Variants in MCM3AP observed in about 807,000 individuals in gnomAD.
MCM3AP encodes germinal-center associated nuclear protein.
A neutral mutation model predicts 184.1 loss-of-function variants in MCM3AP; 126 were observed. That is an observed-to-expected ratio of 0.68 (90% CI 0.59 to 0.79). The LOEUF is 0.79. Among genes scored for constraint, MCM3AP ranks in the 30% least tolerant of loss-of-function variants. The probability of loss-of-function intolerance (pLI) is 0.00; values close to 1 mark genes in which losing one functional copy is unlikely to be tolerated. For synonymous variants in MCM3AP, 1,002 were observed against 979.3 expected (o/e 1.02, Z -0.43); for missense variants, 2,496 against 2,479.2 (o/e 1.01, Z -0.14).
chr21:46,262,924 C>T (rs1258586004), intron 13 of MCM3AP, among the ~76,000 whole-genome samples: 4 of 135,330 alleles, frequency 3.0e-5, no homozygotes, highest in African/African-American at 1.1e-4. Flanking sequence ...GCCGAGATCA[C>T]GCCACTGCAC....
intron 6 of MCM3AP, 21 bp downstream of exon 6, chr21:46,275,165 C>T (rs776328118): frequency 2.0e-5 from 32 of 1,604,634 alleles, no homozygotes; most frequent in Non-Finnish European, 2.4e-5. Flanking sequence ...CCACACTCCA[C>T]GGGGAGATGC....
Position 46,243,601 on chromosome 21 carries a change from C to T in MCM3AP, c.5160G>A (p.Arg1720=), listed in dbSNP as rs759958528. 1.2e-6 allele frequency: 2 copies of T among 1,614,240 alleles called. No homozygotes were observed. The highest frequency in any genetic ancestry group is 1.7e-6 in the Non-Finnish European group (2 of 1,180,048). The stretch of plus-strand genomic sequence containing the variant: ...CTGGGGAGGGACTCTTGCTCTTCCA[C>T]CTACAGTAGGTTCTGTGGAGCAGGT... ...VENLLHRTYC[R]WKSKSPSPVH... The change falls in exon 24 of 28, where the codon AGG becomes AGA. Residue 1720 remains arginine, a synonymous_variant. Transcript: ENST00000291688.
In MCM3AP at chr21:46,260,811, G is replaced by C. The variant is rs200328705; in HGVS notation, c.3563C>G (p.Thr1188Ser). The change falls in exon 15 of 28, where the codon ACC becomes AGC. Residue 1188 changes from threonine to serine, a missense_variant. Thr to Ser is a moderately conservative substitution (Grantham distance 58). Coordinates refer to ENST00000291688, the MANE Select transcript of MCM3AP (RefSeq NM_003906.5). ...CACTTACTTCAACTCCTGGGAGCAG[G>C]TTTCCCTCACAAACTCCATCATCAC... is the stretch of plus-strand genomic sequence containing the variant. The part of the protein sequence containing the change: ...ERVMMEFVRE[T>S]CSQELKNAVE... 1.2e-6 allele frequency: 2 copies of C among 1,613,820 alleles called. No individual in the cohort carries two copies. The highest frequency in any genetic ancestry group is 4.5e-5 in the East Asian group (2 of 44,876).
chr21:46,241,348 C>A, intron 25 of MCM3AP: 1 of 224,734 alleles, frequency 4.4e-6, no homozygotes, highest in Non-Finnish European at 8.8e-6. Context: ...TTGCTTCCCA[C>A]CCTAGGGTTC....
At position 46,237,613 on chromosome 21, in the gene MCM3AP, T is replaced by C. The variant is rs967105502; in HGVS notation, c.5634-634A>G. On this transcript the variant is annotated intron_variant, in intron 26 of 27. Coordinates refer to ENST00000291688, the MANE Select transcript of MCM3AP (RefSeq NM_003906.5). ...GGATTTTGCTGTATTGTCAGGCTAG[T>C]CTACAACTCCTGAACTCAAGTGATG... Among the ~76,000 whole-genome samples the C allele has an allele frequency of 3.5e-5, 4 of 113,456 alleles. 1 individual carries two copies. Among genetic ancestry groups the C allele is most frequent in the Non-Finnish European group, 1.8e-5 (1 of 54,804 alleles). The allele number at this position is 113,456 out of a possible 152,430, so 74.4% of individuals were successfully genotyped here.
intron 6 of MCM3AP, among the ~76,000 whole-genome samples, 199 bp from the exon 7 acceptor site, chr21:46,273,784 AT>A (rs2081218856): frequency 6.6e-6 from 1 of 152,236 alleles, no homozygotes; most frequent in African/African-American, 2.4e-5. Flanking sequence ...ATTTTGGCAA[AT>A]ATGACAAGGA....
chr21:46,249,282 G>A (rs1450072900), intron 20 of MCM3AP, among the ~76,000 whole-genome samples: 1 of 152,132 alleles, frequency 6.6e-6, no homozygotes, highest in African/African-American at 2.4e-5. Context: ...CGAACTCCCA[G>A]GTTCAAGCAA....
At chr21:46,265,544 C>A in intron 11 of MCM3AP, 21 bp from the exon 12 acceptor site, 1 of 1,542,008 alleles carries the variant, frequency 6.5e-7, no homozygotes, top group East Asian at 2.3e-5. Context: ...ACATACAGGA[C>A]AAAACATAGC....
At chr21:46,271,642 T>G (rs2081181519) in intron 8 of MCM3AP, among the ~76,000 whole-genome samples, 1 of 152,070 alleles carries the variant, frequency 6.6e-6, no homozygotes, top group African/African-American at 2.4e-5. Context: ...GTGGATCACC[T>G]GAGGTCAGGA....
In MCM3AP at chr21:46,237,100, A is replaced by ATTTT. The variant is rs10552880; in HGVS notation, c.5634-125_5634-122dup. The ATTTT allele has an allele frequency of 3.4e-4, 73 of 213,336 alleles. 1 individual carries two copies. The highest frequency in any genetic ancestry group is 4.4e-4 in the Non-Finnish European group (54 of 121,752). The allele number at this position is 213,336 out of a possible 1,614,324, so 13.2% of individuals were successfully genotyped here. ...CTTTGCTTTTTTAAAATTTTATATAATTTTTTTTTTTTTTTTTTTGAGACA... is the reference window on the plus strand; with the variant it reads ...CTTTGCTTTTTTAAAATTTTATATAATTTTTTTTTTTTTTTTTTTTTTTGAGACA... On this transcript the variant is annotated intron_variant, in intron 26 of 27. Transcript: ENST00000291688.
rs1184369978 is a variant in MCM3AP at position 46,260,847 on chromosome 21, A to T, written c.3527T>A (p.Leu1176Gln). The T allele has an allele frequency of 6.2e-7, 1 of 1,614,090 alleles. No homozygotes were observed. Among genetic ancestry groups the T allele is most frequent in the East Asian group, 2.2e-5 (1 of 44,898 alleles). Residue 1176 changes from leucine (L) to glutamine (Q), a missense_variant, in exon 15 of 28, where the codon CTG (leucine) becomes CAG (glutamine). Leu to Gln is a moderately radical substitution (Grantham distance 113). Transcript: ENST00000291688. ...AAACTCCATCATCACGCGTTCCATC[A>T]GCTCCACGGCCAGGCCCTGGCTCAG... The part of the protein sequence containing the change: ...SELSQGLAVE[L>Q]MERVMMEFVR...
chr21:46,269,099 G>A (rs2839184), intron 9 of MCM3AP, among the ~76,000 whole-genome samples: 43,119 of 152,070 alleles, frequency 0.28, 7,099 homozygotes, highest in Admixed American at 0.39. Context: ...CTCAATCATC[G>A]TGTATACAAC....
intron 2 of MCM3AP, among the ~76,000 whole-genome samples, chr21:46,281,724 G>T (rs2081335280): frequency 6.6e-6 from 1 of 152,142 alleles, no homozygotes; most frequent in African/African-American, 2.4e-5. Context: ...AACAAGGCCA[G>T]GCATGGTGGC....
chr21:46,236,939 C>A lies in MCM3AP; in HGVS notation c.5674G>T (p.Gly1892Ter). 2 of 1,570,342 alleles carry A rather than the reference C, an allele frequency of 1.3e-6. No individual in the cohort carries two copies. The highest frequency in any genetic ancestry group is 1.7e-6 in the Non-Finnish European group (2 of 1,165,114). Residue 1892 changes from glycine to a stop codon, truncating the protein, a stop_gained, in exon 27 of 28, where the codon GGA (glycine) becomes TGA (stop). Transcript: ENST00000291688. LOFTEE classifies it high-confidence loss of function. ...AGGGAAGTTAAATCCGTAAATGCTC[C>A]TGAGTCTTCAGACAACCATTGCTGA... is the stretch of plus-strand genomic sequence containing the variant. ...QLQQWLSEDS[G>*]AFTDLTSLPL...
chr21:46,262,836 G>A (rs1194130062), intron 13 of MCM3AP, among the ~76,000 whole-genome samples: 1 of 149,814 alleles, frequency 6.7e-6, no homozygotes, highest in South Asian at 2.1e-4. Context: ...GCGAGGTAGC[G>A]GGCACCTGTA....
chr21:46,264,298 T>C, intron 12 of MCM3AP, 81 bp from the exon 13 acceptor site: 1 of 840,014 alleles, frequency 1.2e-6, no homozygotes, highest in Non-Finnish European at 1.9e-6. Context: ...CACCGGACAG[T>C]CTGCAGGCGT....
At chr21:46,280,441 A>G in intron 3 of MCM3AP, 56 bp downstream of exon 3, 1 of 1,314,978 alleles carries the variant, frequency 7.6e-7, no homozygotes, top group Non-Finnish European at 1.1e-6. Context: ...TCTCATCTCT[A>G]TAAAATAAAT....
chr21:46,256,749 C>T (rs373202903), intron 17 of MCM3AP, 40 bp downstream of exon 17: 6 of 1,530,802 alleles, frequency 3.9e-6, no homozygotes, highest in Non-Finnish European at 5.3e-6. Context: ...CAAGTGGGGG[C>T]AGGGGAGCCC....
intron 20 of MCM3AP, 97 bp downstream of exon 20, chr21:46,251,432 T>G: frequency 4.0e-6 from 4 of 992,124 alleles, no homozygotes; most frequent in Admixed American, 2.5e-5. Context: ...CAAAACCACA[T>G]TAGGGAATAA....
Sources: gnomAD v4.1 joint callset for allele counts (sites outside exome capture counted in the v4.1 genomes callset) on GRCh38, gnomAD v4.1.1 for gene constraint, MANE v1.5 for transcripts, NCBI Gene and HGNC (gene_info 2026-07-23, HGNC 2026-07-21) for gene names.